PPP1R9A: variants seen among roughly 807,000 people sequenced by gnomAD.
The protein encoded by PPP1R9A is protein phosphatase 1 regulatory subunit 9A, also known as neurabin-1.
A neutral mutation model predicts 141.9 loss-of-function variants in PPP1R9A; 59 were observed. The ratio of observed to expected loss-of-function variants is 0.42; its 90% CI spans 0.34 to 0.52. The LOEUF (loss-of-function observed/expected upper bound fraction) is 0.52, where lower values mean the gene tolerates loss of function less well. Ranked by LOEUF, PPP1R9A falls within the 20% of genes least tolerant of loss-of-function variation. The pLI, the probability that PPP1R9A is intolerant of heterozygous loss-of-function variation, is 0.10. For missense variants in PPP1R9A, 1,444 were observed against 1,611.9 expected (o/e 0.90, Z 1.78); for synonymous variants, 500 against 569.7 (o/e 0.88, Z 1.74).
intron 2 of PPP1R9A, among the ~76,000 whole-genome samples, chr7:95,067,949 A>G (rs1432587327): frequency 6.6e-6 from 1 of 152,066 alleles, no homozygotes; most frequent in Non-Finnish European, 1.5e-5. Context: ...GGAAAATTAC[A>G]GTCAAACTAT....
chr7:94,908,031 C>G (rs939696465), intron 1 of PPP1R9A: 4 of 149,924 alleles, frequency 2.7e-5, no homozygotes, highest in African/African-American at 9.7e-5. Context: ...ACCCAGCGGG[C>G]CGGCGCCGAG....
intron 16 of PPP1R9A, among the ~76,000 whole-genome samples, chr7:95,278,993 C>G (rs2153068610): frequency 6.6e-6 from 1 of 152,256 alleles, no homozygotes. Context: ...CATTGAAGTA[C>G]ATTTCAAATC....
intron 2 of PPP1R9A, among the ~76,000 whole-genome samples, chr7:95,048,520 C>G (rs747784243): frequency 6.7e-6 from 1 of 149,666 alleles, no homozygotes; most frequent in Non-Finnish European, 1.5e-5. Flanking sequence ...ACCATGACAG[C>G]GTTTTGTTGT....
intron 4 of PPP1R9A, among the ~76,000 whole-genome samples, chr7:95,143,979 TCA>T (rs1353131749): frequency 4.6e-5 from 7 of 152,160 alleles, no homozygotes; most frequent in African/African-American, 1.2e-4. Flanking sequence ...ATTCATCAGC[TCA>T]CATAGTTAAT....
chr7:95,196,537 T>G (rs904611146), intron 5 of PPP1R9A, among the ~76,000 whole-genome samples: 23 of 152,166 alleles, frequency 1.5e-4, no homozygotes, highest in Admixed American at 1.4e-3. Context: ...GTAACTTTCT[T>G]TATAATATCA....
intron 2 of PPP1R9A, among the ~76,000 whole-genome samples, chr7:94,991,262 T>A (rs2151428799): frequency 6.6e-6 from 1 of 152,330 alleles, no homozygotes; most frequent in East Asian, 1.9e-4. Flanking sequence ...TGATTTGTAA[T>A]TCCCTGATGA....
intron 14 of PPP1R9A, among the ~76,000 whole-genome samples, chr7:95,272,484 T>C (rs1415581678): frequency 6.6e-6 from 1 of 152,208 alleles, no homozygotes; most frequent in Non-Finnish European, 1.5e-5. Context: ...GCATAATAAA[T>C]ATTTGAGGCT....
chr7:95,021,941 T>A (rs1263340725), intron 2 of PPP1R9A, among the ~76,000 whole-genome samples: 1 of 152,224 alleles, frequency 6.6e-6, no homozygotes, highest in African/African-American at 2.4e-5. Flanking sequence ...TAGGATTGTC[T>A]TGGCTATGTG....
chr7:95,189,209 C>T (rs982621807), intron 5 of PPP1R9A, among the ~76,000 whole-genome samples: 3 of 151,910 alleles, frequency 2.0e-5, no homozygotes, highest in Non-Finnish European at 4.4e-5. Flanking sequence ...TTTAGGTTAC[C>T]GCTTGCTTTT....
chr7:95,101,151 C>G (rs1157184256), intron 2 of PPP1R9A, among the ~76,000 whole-genome samples: 4 of 152,124 alleles, frequency 2.6e-5, no homozygotes, highest in Admixed American at 1.3e-4. Context: ...CGCGCCCGGC[C>G]TCTTTGTCTG....
At chr7:95,124,174 GTGTTTAC>G (rs1823134730) in intron 4 of PPP1R9A, among the ~76,000 whole-genome samples, 1 of 152,080 alleles carries the variant, frequency 6.6e-6, no homozygotes, top group African/African-American at 2.4e-5. Context: ...CATTTGCACA[GTGTTTAC>G]TGTTTACTGA....
chr7:95,210,354 A>G (rs1011627292), intron 7 of PPP1R9A, among the ~76,000 whole-genome samples: 4 of 152,144 alleles, frequency 2.6e-5, no homozygotes, highest in African/African-American at 9.7e-5. Context: ...GGCATAAAAA[A>G]TAAAAATTAA....
chr7:95,166,876 T>C (rs1204536513), intron 5 of PPP1R9A, among the ~76,000 whole-genome samples: 3 of 152,152 alleles, frequency 2.0e-5, no homozygotes, highest in Non-Finnish European at 4.4e-5. Flanking sequence ...ATCAATAAAA[T>C]ATGCTACATC....
In PPP1R9A at chr7:94,911,253, A is replaced by G. The variant is rs763203011; in HGVS notation, c.1140A>G (p.Gly380=). ...TSPDASASSC[G]KEVPEDSNNF... ...CTGATGCTTCTGCATCCAGTTGTGGAAAAGAAGTACCTGAAGATTCAAATA... is the reference window on the plus strand; with the variant it reads ...CTGATGCTTCTGCATCCAGTTGTGGGAAAGAAGTACCTGAAGATTCAAATA... The change falls in exon 2 of 20, where the codon GGA becomes GGG. Residue 380 remains glycine (G), a synonymous_variant. Coordinates refer to ENST00000433360, the MANE Select transcript of PPP1R9A (RefSeq NM_001166160.2). 207 of 1,614,084 alleles carry G rather than the reference A, an allele frequency of 1.3e-4. 1 individual carries two copies. Among genetic ancestry groups the G allele is most frequent in the Non-Finnish European group, 1.7e-4 (201 of 1,180,026 alleles).
Position 95,247,476 on chromosome 7 carries a change from C to A in PPP1R9A, c.2116C>A (p.Gln706Lys), listed in dbSNP as rs1486237591. 1.2e-6 allele frequency: 2 copies of A among 1,604,952 alleles called. No homozygotes were observed. Among genetic ancestry groups the A allele is most frequent in the Admixed American group, 3.4e-5 (2 of 59,520 alleles). Residue 706 changes from glutamine (Q) to lysine (K), a missense_variant, in exon 9 of 20, where the codon CAA becomes AAA. By Grantham distance (53) the Gln-to-Lys change is moderately conservative. Coordinates refer to ENST00000433360, the MANE Select transcript of PPP1R9A (RefSeq NM_001166160.2). ...SKLSHKFKELQIKHAVTEAEI... is the reference protein window; with the variant it reads ...SKLSHKFKELKIKHAVTEAEI... ...TTTCTTTCTTTTCAATTTTCAGTTGCAAATCAAACATGCAGTTACAGAAGC... is the reference window on the plus strand; with the variant it reads ...TTTCTTTCTTTTCAATTTTCAGTTGAAAATCAAACATGCAGTTACAGAAGC...
chr7:95,234,493 G>A (rs1220761902), intron 8 of PPP1R9A, among the ~76,000 whole-genome samples: 1 of 152,092 alleles, frequency 6.6e-6, no homozygotes, highest in Non-Finnish European at 1.5e-5. Flanking sequence ...ACCTCTATAA[G>A]GAAAACTACA....
intron 2 of PPP1R9A, among the ~76,000 whole-genome samples, chr7:94,995,811 A>G (rs1802098176): frequency 6.6e-6 from 1 of 152,080 alleles, no homozygotes; most frequent in Admixed American, 6.6e-5. Context: ...TTATTGTTCA[A>G]ACTTTCTTGC....
intron 2 of PPP1R9A, among the ~76,000 whole-genome samples, chr7:94,967,801 A>C (rs186149581): frequency 6.6e-6 from 1 of 152,134 alleles, no homozygotes; most frequent in African/African-American, 2.4e-5. Flanking sequence ...CCATTCTTTT[A>C]CATTTTTTGA....
chr7:95,167,530 AC>A (rs564780593), intron 5 of PPP1R9A, among the ~76,000 whole-genome samples: 91 of 152,326 alleles, frequency 6.0e-4, no homozygotes, highest in African/African-American at 2.1e-3. Context: ...TCAACATAGT[AC>A]TGGAAGTCCT....
Sources: allele counts gnomAD v4.1 joint callset (sites outside exome capture counted in the v4.1 genomes callset), GRCh38; gene constraint gnomAD v4.1.1; transcripts MANE v1.5; gene names NCBI Gene and HGNC (gene_info 2026-07-23, HGNC 2026-07-21).